PCDHA2: variants seen among roughly 807,000 people sequenced by gnomAD.
The protein encoded by PCDHA2 is protocadherin alpha-2.
Under a neutral mutation model 66.0 loss-of-function variants are expected in PCDHA2, and 58 were observed. The ratio of observed to expected loss-of-function variants is 0.88; its 90% CI spans 0.71 to 1.09. PCDHA2 has a LOEUF of 1.09. PCDHA2 is among the 50% of genes least tolerant of loss of function. The probability of loss-of-function intolerance (pLI) is 0.00; values close to 1 mark genes in which losing one functional copy is unlikely to be tolerated. For missense variants in PCDHA2, 1,267 were observed against 1,242.3 expected (o/e 1.02, Z -0.30); for synonymous variants, 634 against 554.0 (o/e 1.14, Z -2.03).
Position 140,858,600 on chromosome 5 carries a change from T to A in PCDHA2, c.2388+61248T>A, listed in dbSNP as rs1554151852. The stretch of plus-strand genomic sequence containing the variant: ...GTAATATAATTTATTCCAGGAGTTT[T>A]AAAATTTTTTTATCCTACCCAGTGT... On this transcript the variant is annotated intron_variant, in intron 1 of 3. Coordinates refer to ENST00000526136, the MANE Select transcript of PCDHA2 (RefSeq NM_018905.3). 7.0e-6 allele frequency: 9 copies of A among 1,293,864 alleles called. 2 individuals are homozygous for A. The highest frequency in any genetic ancestry group is 3.0e-5 in the African/African-American group (2 of 67,188). The allele number at this position is 1,293,864 out of a possible 1,614,324, so 80.1% of individuals were successfully genotyped here.
chr5:140,945,000 G>A (rs980802301), intron 1 of PCDHA2, among the ~76,000 whole-genome samples: 3 of 151,862 alleles, frequency 2.0e-5, no homozygotes, highest in African/African-American at 7.3e-5. Context: ...AACGGTTGTG[G>A]GTCATGAATT....
At chr5:140,922,791 T>A (rs1454046146) in intron 1 of PCDHA2, among the ~76,000 whole-genome samples, 1 of 152,078 alleles carries the variant, frequency 6.6e-6, no homozygotes, top group Non-Finnish European at 1.5e-5. Flanking sequence ...AAACTGTAGC[T>A]TTGGAATACA....
chr5:140,879,720 G>C (rs1275273892), intron 1 of PCDHA2, among the ~76,000 whole-genome samples: 1 of 152,212 alleles, frequency 6.6e-6, no homozygotes, highest in Non-Finnish European at 1.5e-5. Flanking sequence ...TTGGAGACCA[G>C]AAGTCCAAAA....
chr5:140,828,062 C>T (rs1769507184), intron 1 of PCDHA2: 1 of 1,557,484 alleles, frequency 6.4e-7, no homozygotes, highest in Non-Finnish European at 8.7e-7. Flanking sequence ...GGAAGATCTT[C>T]TAATGGAAAT....
At chr5:140,985,065 G>A (rs189493508) in intron 3 of PCDHA2, among the ~76,000 whole-genome samples, 45 of 152,190 alleles carry the variant, frequency 3.0e-4, no homozygotes, top group Admixed American at 5.2e-4. Context: ...AGCCTCCTGA[G>A]TAGCTGAGAC....
At chr5:140,841,572 T>C (rs1562389584) in intron 1 of PCDHA2, 4 of 1,613,982 alleles carry the variant, frequency 2.5e-6, no homozygotes, top group Middle Eastern at 1.7e-4. Flanking sequence ...AATGGCATTT[T>C]GTTTGTGAAT....
At chr5:140,897,993 A>G (rs2066447415) in intron 1 of PCDHA2, among the ~76,000 whole-genome samples, 1 of 152,184 alleles carries the variant, frequency 6.6e-6, no homozygotes, top group African/African-American at 2.4e-5. Flanking sequence ...TCTTCTTTTG[A>G]GAAGTGTCTG....
rs61735497 is a variant in PCDHA2 at position 140,801,899 on chromosome 5, T to C, written c.2388+4547T>C. 2.7e-4 allele frequency: 442 copies of C among 1,614,214 alleles called. 1 individual carries two copies. The African/African-American group carries it at 5.2e-3, about 19-fold the overall frequency. Reference sequence around the variant, plus strand: ...CTCAACTAAAGATCACTGTTTTAGATGTAAACGACAACGCCCCAGCGTTTG... The same window carrying C: ...CTCAACTAAAGATCACTGTTTTAGACGTAAACGACAACGCCCCAGCGTTTG... On this transcript the variant is annotated intron_variant, in intron 1 of 3. Transcript: ENST00000526136.
At chr5:140,941,194 T>TTTCTTC (rs2092780236) in intron 1 of PCDHA2, among the ~76,000 whole-genome samples, 5 of 112,438 alleles carry the variant, frequency 4.4e-5, no homozygotes, top group African/African-American at 1.8e-4. Flanking sequence ...TCTTTTTTTT[T>TTTCTTC]CTTTCTTCCT....
At chr5:140,803,791 T>G in intron 1 of PCDHA2, 1 of 827,544 alleles carries the variant, frequency 1.2e-6, no homozygotes, top group Non-Finnish European at 1.8e-6. Flanking sequence ...AGTTATGATA[T>G]CCACACTTGT....
intron 1 of PCDHA2, among the ~76,000 whole-genome samples, chr5:140,974,321 T>C (rs2096622495): frequency 6.6e-6 from 1 of 152,226 alleles, no homozygotes; most frequent in Non-Finnish European, 1.5e-5. Context: ...AGAGAGTAGC[T>C]GCTGTGCTAG....
chr5:140,808,913 G>T (rs1396651990), intron 1 of PCDHA2: 7 of 1,613,442 alleles, frequency 4.3e-6, no homozygotes, highest in African/African-American at 4.0e-5. Flanking sequence ...CACTGGTGGC[G>T]CAGTGAGCGA....
rs1554119811 is a variant in PCDHA2 at position 140,796,284 on chromosome 5, C to G, written c.1320C>G (p.Ser440Arg). The change falls in exon 1 of 4, where the codon AGC (serine) becomes AGG (arginine). Residue 440 changes from serine (S) to arginine (R), a missense_variant. Physicochemically the swap from Ser to Arg is moderately radical, Grantham distance 110. Coordinates refer to ENST00000526136, the MANE Select transcript of PCDHA2 (RefSeq NM_018905.3). ...CGCCTTCACTGTGGGCCACCACCAGCGTGTCCATCGAGGTGGCCGACGTGA... is the reference window on the plus strand; with the variant it reads ...CGCCTTCACTGTGGGCCACCACCAGGGTGTCCATCGAGGTGGCCGACGTGA... ...GGSPSLWATT[S>R]VSIEVADVND... The G allele has an allele frequency of 5.0e-6, 8 of 1,614,140 alleles. No individual in the cohort carries two copies. The highest frequency in any genetic ancestry group is 5.9e-6 in the Non-Finnish European group (7 of 1,180,046).
intron 1 of PCDHA2, chr5:140,867,194 C>T (rs185502341): frequency 1.6e-3 from 248 of 152,260 alleles, no homozygotes; most frequent in African/African-American, 5.7e-3. Context: ...CAAGACTCCA[C>T]ATTCCATGTA....
At chr5:140,892,588 T>C (rs751167275) in intron 1 of PCDHA2, among the ~76,000 whole-genome samples, 12 of 152,204 alleles carry the variant, frequency 7.9e-5, no homozygotes, top group Non-Finnish European at 1.8e-4. Flanking sequence ...TCAGTATTCA[T>C]TCACCTATTT....
chr5:140,882,423 T>C (rs1554174072), intron 1 of PCDHA2: 2 of 1,614,052 alleles, frequency 1.2e-6, no homozygotes, highest in African/African-American at 2.7e-5. Context: ...GCTCAGGACC[T>C]GGGGCTGGAG....
chr5:140,827,448 A>G (rs1554130791), intron 1 of PCDHA2, among the ~76,000 whole-genome samples: 1 of 152,248 alleles, frequency 6.6e-6, no homozygotes, highest in African/African-American at 2.4e-5. Flanking sequence ...ACACAGAAGA[A>G]CCTTAAGAGC....
chr5:140,863,992 C>T (rs1554158598), intron 1 of PCDHA2: 3 of 152,876 alleles, frequency 2.0e-5, no homozygotes, highest in African/African-American at 7.3e-5. Context: ...CAGGGTGAAA[C>T]TCTGTCTTAA....
intron 1 of PCDHA2, among the ~76,000 whole-genome samples, chr5:140,874,231 G>T (rs1554167098): frequency 6.6e-6 from 1 of 152,124 alleles, no homozygotes; most frequent in African/African-American, 2.4e-5. Flanking sequence ...GGAATGAATG[G>T]CAACAAATTA....
Sources: allele counts gnomAD v4.1 joint callset (sites outside exome capture counted in the v4.1 genomes callset), GRCh38; gene constraint gnomAD v4.1.1; transcripts MANE v1.5; gene names NCBI Gene and HGNC (gene_info 2026-07-23, HGNC 2026-07-21).